Variants in GABRG3 observed in about 807,000 individuals in gnomAD.
The protein encoded by GABRG3 is gamma-aminobutyric acid type A receptor subunit gamma3.
A neutral mutation model predicts 48.8 loss-of-function variants in GABRG3; 25 were observed. The observed-to-expected ratio is 0.51, with a 90% confidence interval of 0.37 to 0.72. The LOEUF (loss-of-function observed/expected upper bound fraction) is 0.72, where lower values mean the gene tolerates loss of function less well. Among genes scored for constraint, GABRG3 ranks in the 30% least tolerant of loss-of-function variants. The pLI, the probability that GABRG3 is intolerant of heterozygous loss-of-function variation, is 0.00. For synonymous variants in GABRG3, 227 were observed against 217.6 expected, an observed-to-expected ratio of 1.04 and a Z score of -0.38; for missense variants, 394 against 577.9, an observed-to-expected ratio of 0.68 and a Z score of 3.26.
At chr15:27,386,973 T>C (rs1461006215) in intron 5 of GABRG3, among the ~76,000 whole-genome samples, 1 of 152,240 alleles carries the variant, frequency 6.6e-6, no homozygotes, top group Non-Finnish European at 1.5e-5. Flanking sequence ...TCCATGTTAC[T>C]GTGCATATAA....
At chr15:27,345,187 A>T (rs992790148) in intron 5 of GABRG3, among the ~76,000 whole-genome samples, 1 of 152,142 alleles carries the variant, frequency 6.6e-6, no homozygotes, top group Non-Finnish European at 1.5e-5. Flanking sequence ...TATTTAGAGC[A>T]TTTACACTTA....
chr15:27,307,774 G>T (rs1376545842), intron 3 of GABRG3, among the ~76,000 whole-genome samples: 5 of 89,244 alleles, frequency 5.6e-5, no homozygotes, highest in Non-Finnish European at 1.1e-4. Context: ...ATAAACATAT[G>T]TTTATATATA....
chr15:27,376,954 G>A (rs1234464985), intron 5 of GABRG3, among the ~76,000 whole-genome samples: 1 of 152,084 alleles, frequency 6.6e-6, no homozygotes, highest in East Asian at 1.9e-4. Flanking sequence ...TTTATGCTCT[G>A]TTTCCCTTTT....
intron 3 of GABRG3, among the ~76,000 whole-genome samples, chr15:27,235,036 C>T (rs1364191762): frequency 2.0e-5 from 3 of 152,094 alleles, no homozygotes; most frequent in African/African-American, 4.8e-5. Context: ...TGTTTTGATC[C>T]CCTTTCTACC....
At chr15:27,490,526 C>T (rs373359489) in intron 6 of GABRG3, among the ~76,000 whole-genome samples, 46 of 152,274 alleles carry the variant, frequency 3.0e-4, no homozygotes, top group Admixed American at 1.8e-3. Context: ...CCTGAGATAA[C>T]GAAGCTTTTG....
At chr15:27,502,501 G>T (rs777346527) in intron 6 of GABRG3, among the ~76,000 whole-genome samples, 3 of 152,100 alleles carry the variant, frequency 2.0e-5, no homozygotes, top group Non-Finnish European at 4.4e-5. Context: ...TCTGAAGTGT[G>T]CAATCAGTTC....
chr15:27,248,155 C>CT (rs1255030048), intron 3 of GABRG3, among the ~76,000 whole-genome samples: 1 of 152,182 alleles, frequency 6.6e-6, no homozygotes, highest in Non-Finnish European at 1.5e-5. Flanking sequence ...CTTATTGTGG[C>CT]TGTGTGGTCC....
In GABRG3 at chr15:27,061,263, G is replaced by A. The variant is rs372573528; in HGVS notation, c.270+34442G>A. Among the ~76,000 whole-genome samples, 43 of 152,320 alleles carry A rather than the reference G, an allele frequency of 2.8e-4. 1 individual carries two copies. The highest frequency in any genetic ancestry group is 1.0e-3 in the African/African-American group (43 of 41,582). Reference sequence around the variant, plus strand: ...CGTCTGCTCTTACATCGCTGGTGCAGTGAATGGTGTCCTTGCATCACTCGA... The same window carrying A: ...CGTCTGCTCTTACATCGCTGGTGCAATGAATGGTGTCCTTGCATCACTCGA... On this transcript the variant is annotated intron_variant, in intron 3 of 9. Transcript: ENST00000615808.
At chr15:26,991,279 T>C (rs1895242916) in intron 2 of GABRG3, among the ~76,000 whole-genome samples, 1 of 152,188 alleles carries the variant, frequency 6.6e-6, no homozygotes, top group Non-Finnish European at 1.5e-5. Context: ...TTGGTTTATG[T>C]GTCTGTTTTT....
chr15:27,308,353 G>A (rs1892806057), intron 3 of GABRG3, among the ~76,000 whole-genome samples: 2 of 93,366 alleles, frequency 2.1e-5, no homozygotes, highest in African/African-American at 8.1e-5. Flanking sequence ...ATAAACATAC[G>A]TTTATATATA....
At chr15:27,055,292 A>G (rs1214324275) in intron 3 of GABRG3, among the ~76,000 whole-genome samples, 1 of 152,262 alleles carries the variant, frequency 6.6e-6, no homozygotes, top group African/African-American at 2.4e-5. Context: ...GGAAAGACCA[A>G]TCAGTACAAA....
rs558219773 is a variant in GABRG3 at position 27,194,242 on chromosome 15, C to T, written c.271-132567C>T. Among the ~76,000 whole-genome samples, 242 of 152,258 alleles carry T rather than the reference C, an allele frequency of 1.6e-3. 2 individuals carry two copies. The highest frequency in any genetic ancestry group is 5.7e-3 in the African/African-American group (235 of 41,558). ...TTATCTTAGGTATTTCCTGTATATA[C>T]GTTGAGCACAACATCAGATGGTGTT... On this transcript the variant is annotated intron_variant, in intron 3 of 9. Transcript: ENST00000615808.
At chr15:27,157,470 A>G (rs1297645825) in intron 3 of GABRG3, 1 of 152,192 alleles carries the variant, frequency 6.6e-6, no homozygotes, top group Non-Finnish European at 1.5e-5. Flanking sequence ...CGTATTTCAT[A>G]TGCCCCCTGT....
intron 5 of GABRG3, among the ~76,000 whole-genome samples, chr15:27,376,130 G>A (rs1028106954): frequency 1.3e-5 from 2 of 152,202 alleles, no homozygotes; most frequent in African/African-American, 4.8e-5. Flanking sequence ...AACCCAGTGG[G>A]GCAGTCAAAC....
At chr15:27,363,782 T>C (rs1895101195) in intron 5 of GABRG3, 1 of 152,168 alleles carries the variant, frequency 6.6e-6, no homozygotes, top group South Asian at 2.1e-4. Flanking sequence ...AGTATTATTC[T>C]AGGGGATATC....
intron 9 of GABRG3, among the ~76,000 whole-genome samples, chr15:27,532,099 A>C (rs893075225): frequency 1.3e-5 from 2 of 152,206 alleles, no homozygotes; most frequent in Non-Finnish European, 2.9e-5. Flanking sequence ...TTCAATATAC[A>C]TACTGTTTCA....
chr15:27,283,581 A>C (rs568585086), intron 3 of GABRG3, among the ~76,000 whole-genome samples: 15 of 152,222 alleles, frequency 9.9e-5, no homozygotes, highest in Non-Finnish European at 2.1e-4. Flanking sequence ...ACTCTAGCCC[A>C]GGCAACAGAG....
Position 27,321,253 on chromosome 15 carries a change from GTCTTTATGTAAA to G in GABRG3, c.271-5552_271-5541del. Among the ~76,000 whole-genome samples, 3 of 152,344 alleles carry G rather than the reference GTCTTTATGTAAA, an allele frequency of 2.0e-5. No individual in the cohort carries two copies. The South Asian group carries it at 6.2e-4, about 32-fold the overall frequency. ...GGTGCACCTGTCCTCAGGGGTGTTA[GTCTTTATGTAAA>G]TCTAGCACAGTGCCCCGCAAAGGAC... On this transcript the variant is annotated intron_variant, in intron 3 of 9. Coordinates refer to ENST00000615808, the MANE Select transcript of GABRG3 (RefSeq NM_033223.5).
intron 2 of GABRG3, among the ~76,000 whole-genome samples, chr15:27,024,987 T>C (rs1042197465): frequency 6.4e-5 from 9 of 140,534 alleles, no homozygotes; most frequent in African/African-American, 1.1e-4. Flanking sequence ...ATTGCGCCAT[T>C]GCACTCCACC....
Sources: allele counts gnomAD v4.1 joint callset (sites outside exome capture counted in the v4.1 genomes callset), GRCh38; gene constraint gnomAD v4.1.1; transcripts MANE v1.5; gene names NCBI Gene and HGNC (gene_info 2026-07-23, HGNC 2026-07-21).